Variants in ATXN7L1 observed in about 807,000 individuals in gnomAD.
ATXN7L1 encodes ataxin 7 like 1, also known as ataxin-7-like protein 1.
Under a neutral mutation model 70.8 loss-of-function variants are expected in ATXN7L1, and 15 were observed. The observed-to-expected ratio is 0.21, with a 90% CI of 0.14 to 0.33. The LOEUF is 0.33. Ranked by LOEUF, ATXN7L1 falls within the 10% of genes least tolerant of loss-of-function variation. The probability of loss-of-function intolerance (pLI) is 1.00; values close to 1 mark genes in which losing one functional copy is unlikely to be tolerated. For synonymous variants in ATXN7L1, 440 were observed against 445.1 expected, an observed-to-expected ratio of 0.99 and a Z score of 0.14; for missense variants, 975 against 1,097.1, an observed-to-expected ratio of 0.89 and a Z score of 1.57.
At chr7:105,844,806 A>G (rs928360601) in intron 2 of ATXN7L1, among the ~76,000 whole-genome samples, 3 of 152,226 alleles carry the variant, frequency 2.0e-5, no homozygotes, top group Non-Finnish European at 4.4e-5. Context: ...TGCAGATGAC[A>G]TGACCTTATA....
chr7:105,833,543 A>G (rs7781203), intron 2 of ATXN7L1, among the ~76,000 whole-genome samples: 88,620 of 152,094 alleles, frequency 0.58, 26,499 homozygotes, highest in East Asian at 0.95. Context: ...ATACAAATAA[A>G]TATGTGTGCT....
intron 2 of ATXN7L1, among the ~76,000 whole-genome samples, chr7:105,825,231 A>C (rs1260239476): frequency 6.6e-6 from 1 of 152,194 alleles, no homozygotes; most frequent in African/African-American, 2.4e-5. Flanking sequence ...TTTACCTTTC[A>C]TGTAGGATGC....
At chr7:105,819,968 G>A in intron 2 of ATXN7L1, 1 of 480,860 alleles carries the variant, frequency 2.1e-6, no homozygotes, top group Admixed American at 2.3e-5. Context: ...AAGGAGAAGA[G>A]GAAGGAGAAA....
chr7:105,720,041 A>G (rs987941567), intron 3 of ATXN7L1, among the ~76,000 whole-genome samples: 2 of 152,224 alleles, frequency 1.3e-5, no homozygotes, highest in African/African-American at 4.8e-5. Flanking sequence ...TGACATCTTA[A>G]TAAGAAGCCT....
chr7:105,725,437 A>G (rs924182205), intron 3 of ATXN7L1, among the ~76,000 whole-genome samples: 1 of 152,156 alleles, frequency 6.6e-6, no homozygotes, highest in African/African-American at 2.4e-5. Context: ...AGAAAAATCT[A>G]TTTGAATCCT....
chr7:105,716,919 T>G (rs1205199710), intron 3 of ATXN7L1, among the ~76,000 whole-genome samples: 1 of 151,956 alleles, frequency 6.6e-6, no homozygotes, highest in Non-Finnish European at 1.5e-5. Flanking sequence ...TTAAAAAATC[T>G]AATTATTAAA....
At chr7:105,706,279 T>C (rs956532970) in intron 3 of ATXN7L1, among the ~76,000 whole-genome samples, 3 of 139,430 alleles carry the variant, frequency 2.2e-5, no homozygotes, top group African/African-American at 7.5e-5. Context: ...CTGCAACCTC[T>C]GCCTCCCGGG....
intron 4 of ATXN7L1, among the ~76,000 whole-genome samples, chr7:105,652,961 C>T (rs184461627): frequency 4.7e-4 from 72 of 151,952 alleles, no homozygotes; most frequent in Middle Eastern, 3.4e-3. Context: ...TATTAGAATC[C>T]GGTTCTGGGC....
chr7:105,705,969 T>C (rs1793109405), intron 3 of ATXN7L1, among the ~76,000 whole-genome samples: 1 of 152,170 alleles, frequency 6.6e-6, no homozygotes, highest in Non-Finnish European at 1.5e-5. Context: ...AGGAACTTTT[T>C]CTTAGTACTG....
At chr7:105,843,677 G>A (rs1813556967) in intron 2 of ATXN7L1, among the ~76,000 whole-genome samples, 1 of 152,224 alleles carries the variant, frequency 6.6e-6, no homozygotes. Context: ...GGGTGTTCCA[G>A]GACCCAGGTT....
intron 2 of ATXN7L1, among the ~76,000 whole-genome samples, chr7:105,804,714 G>A (rs1187034292): frequency 6.6e-6 from 1 of 152,202 alleles, no homozygotes; most frequent in Non-Finnish European, 1.5e-5. Context: ...TGTGCTAAGT[G>A]CTGTTCATTG....
At chr7:105,702,177 G>A (rs182340290) in intron 3 of ATXN7L1, among the ~76,000 whole-genome samples, 5 of 152,258 alleles carry the variant, frequency 3.3e-5, no homozygotes, top group Admixed American at 6.5e-5. Context: ...ATTTGCATCC[G>A]TGGCATAACT....
intron 3 of ATXN7L1, among the ~76,000 whole-genome samples, chr7:105,783,558 C>T (rs1455209264): frequency 6.6e-6 from 1 of 152,094 alleles, no homozygotes; most frequent in Non-Finnish European, 1.5e-5. Flanking sequence ...TGCATGGAAC[C>T]TCCAAAAAAC....
intron 3 of ATXN7L1, among the ~76,000 whole-genome samples, chr7:105,737,594 T>C (rs923912306): frequency 3.3e-5 from 5 of 151,478 alleles, no homozygotes; most frequent in Admixed American, 6.6e-5. Flanking sequence ...CATTTGACCA[T>C]ATAGGGTTAA....
intron 3 of ATXN7L1, among the ~76,000 whole-genome samples, chr7:105,690,303 C>CA (rs992171557): frequency 2.7e-4 from 41 of 151,532 alleles, no homozygotes; most frequent in Middle Eastern, 3.2e-3. Context: ...CCGCGCCCAG[C>CA]AAAAAAAAGC....
chr7:105,777,896 C>T (rs181431926), intron 3 of ATXN7L1, among the ~76,000 whole-genome samples: 3 of 152,294 alleles, frequency 2.0e-5, no homozygotes, highest in Admixed American at 2.0e-4. Context: ...CTCAAATGTG[C>T]CTTGTTTGTT....
In ATXN7L1 at chr7:105,614,516, C is replaced by T. The variant is rs372550471; in HGVS notation, c.1818G>A (p.Pro606=). The change falls in exon 10 of 12, where the codon CCG becomes CCA. Residue 606 remains proline (P), a synonymous_variant. Transcript: ENST00000419735. The surrounding 1 kb of genome is among the most constrained non-coding windows in gnomAD (Gnocchi z 4.3). ...ATGGGGAAGGGATGACGGCTGGTATCGGGGACACGGCGGATGGGGCCTTGA... is the reference window on the plus strand; with the variant it reads ...ATGGGGAAGGGATGACGGCTGGTATTGGGGACACGGCGGATGGGGCCTTGA... The part of the protein sequence containing the change: ...STFKAPSAVS[P]IPAVIPSPSH... The T allele has an allele frequency of 2.0e-4, 310 of 1,533,360 alleles. No homozygotes were observed. The highest frequency in any genetic ancestry group is 3.4e-4 in the Middle Eastern group (2 of 5,902). The allele number at this position is 1,533,360 out of a possible 1,614,324, so 95.0% of individuals were successfully genotyped here. A position where few individuals can be genotyped will look rare whatever the true frequency, so the allele number is the denominator to read the frequency against.
intron 3 of ATXN7L1, among the ~76,000 whole-genome samples, chr7:105,722,181 T>C (rs575376982): frequency 1.2e-3 from 188 of 152,196 alleles, no homozygotes; most frequent in Non-Finnish European, 2.0e-3. Flanking sequence ...TCAGACATCA[T>C]GAAGACAGGC....
intron 2 of ATXN7L1, among the ~76,000 whole-genome samples, chr7:105,842,300 T>G (rs950150317): frequency 6.6e-6 from 1 of 152,132 alleles, no homozygotes; most frequent in Non-Finnish European, 1.5e-5. Flanking sequence ...TCCTCAATGG[T>G]GTGTAGCTAC....
Sources: gnomAD v4.1 joint callset for allele counts (sites outside exome capture counted in the v4.1 genomes callset) on GRCh38, gnomAD v4.1.1 for gene constraint, Gnocchi (gnomAD v3.1) non-coding constraint, MANE v1.5 for transcripts, NCBI Gene and HGNC (gene_info 2026-07-23, HGNC 2026-07-21) for gene names.